Variants in EEF1AKMT3 observed in about 807,000 individuals in gnomAD.
EEF1AKMT3 encodes the protein EEF1A lysine methyltransferase 3.
A neutral mutation model predicts 17.8 loss-of-function variants in EEF1AKMT3; 17 were observed. The observed-to-expected ratio is 0.96, with a 90% CI of 0.65 to 1.43. The LOEUF is 1.43. Among genes scored for constraint, EEF1AKMT3 ranks in the 40% most tolerant of loss-of-function variants. The pLI is 0.00. For synonymous variants in EEF1AKMT3, 116 were observed against 126.5 expected, an observed-to-expected ratio of 0.92 and a Z score of 0.56; for missense variants, 244 against 285.8, an observed-to-expected ratio of 0.85 and a Z score of 1.06.
chr12:57,774,649 G>A, intron 2 of EEF1AKMT3: 2 of 1,536,658 alleles, frequency 1.3e-6, no homozygotes, highest in South Asian at 2.3e-5. Flanking sequence ...TCTAGTGAGG[G>A]AGACAGAGGA....
Position 57,782,444 on chromosome 12 carries a change from T to C in EEF1AKMT3, c.*1798T>C, listed in dbSNP as rs1955522819. 2 of 257,340 alleles carry C rather than the reference T, an allele frequency of 7.8e-6. No homozygotes were observed. The highest frequency in any genetic ancestry group is 1.5e-5 in the Non-Finnish European group (2 of 132,402). 15.9% of individuals were successfully genotyped at this position (257,340 alleles called of 1,614,324 possible). ...CCTTCCTAGGTGACCTTGGACAAAT[T>C]CTCGAACCCATTCACCAACCACACA... On this transcript the variant is annotated 3_prime_UTR_variant, in exon 3 of 3. Transcript: ENST00000300209.
chr12:57,773,852 G>A (rs998640536), intron 2 of EEF1AKMT3, among the ~76,000 whole-genome samples: 1 of 152,180 alleles, frequency 6.6e-6, no homozygotes, highest in Non-Finnish European at 1.5e-5. Context: ...AACTTCGTGA[G>A]TGCTTTATAA....
chr12:57,773,199 C>A, intron 2 of EEF1AKMT3, 71 bp downstream of exon 2: 2 of 1,437,774 alleles, frequency 1.4e-6, no homozygotes, highest in Non-Finnish European at 2.0e-6. Context: ...CTTCGTGGAT[C>A]TTTGGGGGAG....
chr12:57,776,963 C>G (rs555637074), intron 2 of EEF1AKMT3, among the ~76,000 whole-genome samples: 1 of 152,264 alleles, frequency 6.6e-6, no homozygotes, highest in South Asian at 2.1e-4. Context: ...TTTCTTATCT[C>G]TAATGATTGC....
chr12:57,778,293 C>CATTTTTTTTTTTT (rs1955492337), intron 2 of EEF1AKMT3, among the ~76,000 whole-genome samples: 1 of 43,994 alleles, frequency 2.3e-5, no homozygotes, highest in South Asian at 1.7e-3. Flanking sequence ...CCATCCTGAG[C>CATTTTTTTTTTTT]TTTTTTTTTT....
chr12:57,774,846 C>A, intron 2 of EEF1AKMT3: 1 of 1,390,400 alleles, frequency 7.2e-7, no homozygotes, highest in Non-Finnish European at 9.9e-7. Flanking sequence ...TGGCTCATGC[C>A]TATAATCCCG....
In EEF1AKMT3 at chr12:57,774,660, C is replaced by T. The variant is rs145660966; in HGVS notation, c.289+1532C>T. 2.3e-4 allele frequency: 357 copies of T among 1,582,248 alleles called. 1 individual carries two copies. The highest frequency in any genetic ancestry group is 3.1e-4 in the Non-Finnish European group (352 of 1,152,192). Reference sequence around the variant, plus strand: ...ATGGTCTAGTGAGGGAGACAGAGGACGATGTCATAGAACAAGAACTCTGGC... The same window carrying T: ...ATGGTCTAGTGAGGGAGACAGAGGATGATGTCATAGAACAAGAACTCTGGC... On this transcript the variant is annotated intron_variant, in intron 2 of 2. Coordinates refer to ENST00000300209, the MANE Select transcript of EEF1AKMT3 (RefSeq NM_015433.3).
rs536738913 is a variant in EEF1AKMT3 at position 57,780,417 on chromosome 12, A to G, written c.452A>G (p.Asp151Gly). The part of the protein sequence containing the change: ...PANYDLVLGA[D>G]IVYLEPTFPL... ...AACTATGACCTGGTGCTGGGGGCTG[A>G]TATCGTGTACCTGGAACCCACCTTC... Residue 151 changes from aspartate to glycine, a missense_variant, in exon 3 of 3, where the codon GAT becomes GGT. By Grantham distance (94) the Asp-to-Gly change is moderately conservative (BLOSUM62 -1). Transcript: ENST00000300209. The G allele has an allele frequency of 6.8e-6, 11 of 1,613,992 alleles. No individual in the cohort carries two copies. Among genetic ancestry groups the G allele is most frequent in the Non-Finnish European group, 9.3e-6 (11 of 1,180,024 alleles).
chr12:57,782,439 C>A lies in EEF1AKMT3; in HGVS notation c.*1793C>A. On this transcript the variant is annotated 3_prime_UTR_variant, in exon 3 of 3. Transcript: ENST00000300209. ...CCCTGCCTTCCTAGGTGACCTTGGACAAATTCTCGAACCCATTCACCAACC... is the reference window on the plus strand; with the variant it reads ...CCCTGCCTTCCTAGGTGACCTTGGAAAAATTCTCGAACCCATTCACCAACC... The A allele has an allele frequency of 4.0e-6, 1 of 252,956 alleles. No individual in the cohort carries two copies. The highest frequency in any genetic ancestry group is 7.7e-6 in the Non-Finnish European group (1 of 129,412). 15.7% of individuals were successfully genotyped at this position (252,956 alleles called of 1,614,324 possible).
rs1239491344 is a variant in EEF1AKMT3, at chr12:57,779,658, C to T, written c.290-597C>T. On this transcript the variant is annotated intron_variant, in intron 2 of 2. Transcript: ENST00000300209. ...GTTTCTGAGATGCTAATCTGACCATCTTCACCCGTTTCTGCCCTTAAAGCT... is the reference window on the plus strand; with the variant it reads ...GTTTCTGAGATGCTAATCTGACCATTTTCACCCGTTTCTGCCCTTAAAGCT... Among the ~76,000 whole-genome samples, 11 of 137,126 alleles carry T rather than the reference C, an allele frequency of 8.0e-5. No homozygotes were observed. In the East Asian group the frequency reaches 3.8e-3, roughly 47 times the overall value. The allele number at this position is 137,126 out of a possible 152,430, so 90.0% of individuals were successfully genotyped here. A position where few individuals can be genotyped will look rare whatever the true frequency, so the allele number is the denominator to read the frequency against.
intron 2 of EEF1AKMT3, among the ~76,000 whole-genome samples, chr12:57,777,892 G>A (rs146608275): frequency 0.013 from 1,921 of 152,080 alleles, 39 homozygotes; most frequent in African/African-American, 0.043. Flanking sequence ...GGTGGCAGGC[G>A]CCTGTAATCC....
At chr12:57,779,976 C>T (rs1210280703) in intron 2 of EEF1AKMT3, among the ~76,000 whole-genome samples, 2 of 152,180 alleles carry the variant, frequency 1.3e-5, no homozygotes, top group Admixed American at 1.3e-4. Context: ...GAACCCATCT[C>T]CAGCTTAGTC....
intron 2 of EEF1AKMT3, among the ~76,000 whole-genome samples, chr12:57,777,826 C>A (rs980432013): frequency 2.0e-5 from 3 of 152,112 alleles, no homozygotes; most frequent in Non-Finnish European, 2.9e-5. Flanking sequence ...TTGAGACTAG[C>A]CTGACCAACA....
In EEF1AKMT3 at chr12:57,781,718, C is replaced by T. The variant is rs1408668843; in HGVS notation, c.*1072C>T. On this transcript the variant is annotated 3_prime_UTR_variant, in exon 3 of 3. Transcript: ENST00000300209. ...TAATCTCTAATCCCCTGAAGCCTAA[C>T]ACAGTTCCTAATGTGTTTTGCCTTA... is the stretch of plus-strand genomic sequence containing the variant. 2.0e-5 allele frequency: 3 copies of T among 152,256 alleles called. No individual in the cohort carries two copies. The highest frequency in any genetic ancestry group is 6.5e-5 in the Admixed American group (1 of 15,280). 9.4% of individuals were successfully genotyped at this position (152,256 alleles called of 1,614,324 possible).
At position 57,780,486 on chromosome 12, in the gene EEF1AKMT3, G is replaced by A; in HGVS notation, c.521G>A (p.Gly174Asp). The change falls in exon 3 of 3, where the codon GGC (glycine) becomes GAC (aspartate). Residue 174 changes from glycine to aspartate, a missense_variant. Transcript: ENST00000300209. The stretch of plus-strand genomic sequence containing the variant: ...CTCCAACACCTGTGCAGGCCCCATG[G>A]CACCATCTATCTGGCCTCCAAGATG... ...GTLQHLCRPH[G>D]TIYLASKMRK... The A allele has an allele frequency of 1.2e-6, 2 of 1,614,162 alleles. No individual in the cohort carries two copies. Among genetic ancestry groups the A allele is most frequent in the Middle Eastern group, 1.6e-4 (1 of 6,062 alleles).
chr12:57,777,057 C>T (rs1489678431), intron 2 of EEF1AKMT3, among the ~76,000 whole-genome samples: 1 of 152,176 alleles, frequency 6.6e-6, no homozygotes, highest in African/African-American at 2.4e-5. Context: ...GCAGTGCCTT[C>T]TCTCCTGTTA....
Position 57,780,464 on chromosome 12 carries a change from C to T in EEF1AKMT3, c.499C>T (p.Gln167Ter). The T allele has an allele frequency of 1.2e-6, 2 of 1,614,196 alleles. No individual in the cohort carries two copies. The highest frequency in any genetic ancestry group is 2.2e-5 in the South Asian group (2 of 91,088). The change falls in exon 3 of 3, where the codon CAA (glutamine) becomes TAA (stop). Residue 167 changes from glutamine (Q) to a stop codon, truncating the protein, a stop_gained. Coordinates refer to ENST00000300209, the MANE Select transcript of EEF1AKMT3 (RefSeq NM_015433.3). LOFTEE classifies it high-confidence loss of function. ...PTFPLLLGTL[Q>*]HLCRPHGTIY... Reference sequence around the variant, plus strand: ...CTTCCCTCTGCTGCTGGGGACCCTCCAACACCTGTGCAGGCCCCATGGCAC... The same window carrying T: ...CTTCCCTCTGCTGCTGGGGACCCTCTAACACCTGTGCAGGCCCCATGGCAC...
chr12:57,775,681 G>C (rs1192674201), intron 2 of EEF1AKMT3, among the ~76,000 whole-genome samples: 4 of 152,104 alleles, frequency 2.6e-5, no homozygotes, highest in Admixed American at 6.6e-5. Flanking sequence ...TCTAGTTCAG[G>C]CCACTGGCAT....
rs547712488 is a variant in EEF1AKMT3, at chr12:57,773,154, G to C, written c.289+26G>C. On this transcript the variant is annotated intron_variant, in intron 2 of 2. Coordinates refer to ENST00000300209, the MANE Select transcript of EEF1AKMT3 (RefSeq NM_015433.3). ...GTGCGTGAGCTGGCTTTTTACGGGAGAGAGTGGGGACCCAGGGGCGCGGAG... is the reference window on the plus strand; with the variant it reads ...GTGCGTGAGCTGGCTTTTTACGGGACAGAGTGGGGACCCAGGGGCGCGGAG... The C allele has an allele frequency of 1.1e-5, 18 of 1,609,098 alleles. No individual in the cohort carries two copies. The African/African-American group carries it at 2.0e-4, about 18-fold the overall frequency.
Sources: allele counts gnomAD v4.1 joint callset (sites outside exome capture counted in the v4.1 genomes callset), GRCh38; gene constraint gnomAD v4.1.1; transcripts MANE v1.5; gene names NCBI Gene and HGNC (gene_info 2026-07-23, HGNC 2026-07-21).